PEAK1: variants seen among roughly 807,000 people sequenced by gnomAD.
The protein encoded by PEAK1 is pseudopodium enriched atypical kinase 1, also known as inactive tyrosine-protein kinase PEAK1.
A neutral mutation model predicts 124.7 loss-of-function variants in PEAK1; 54 were observed. That is an observed-to-expected ratio of 0.43 (90% CI 0.35 to 0.54). The LOEUF is 0.54. Among genes scored for constraint, PEAK1 ranks in the 20% least tolerant of loss-of-function variants. The pLI is 0.01. For synonymous variants in PEAK1, 719 were observed against 760.0 expected (o/e 0.95, Z 0.89); for missense variants, 2,046 against 2,134.5 (o/e 0.96, Z 0.82).
At chr15:77,189,473 T>C (rs558525063) in intron 6 of PEAK1, among the ~76,000 whole-genome samples, 8 of 152,254 alleles carry the variant, frequency 5.3e-5, no homozygotes, top group Middle Eastern at 3.4e-3. Flanking sequence ...CTGTCCACCA[T>C]AGTGGAATTC....
At chr15:77,308,253 C>T (rs1597219492) in intron 2 of PEAK1, among the ~76,000 whole-genome samples, 1 of 152,010 alleles carries the variant, frequency 6.6e-6, no homozygotes, top group African/African-American at 2.4e-5. Flanking sequence ...AGCTTCCTTC[C>T]ATGTCTTCAT....
chr15:77,114,093 G>C lies in PEAK1; in HGVS notation c.*63C>G. 6.6e-7 allele frequency: 1 copy of C among 1,513,558 alleles called. No homozygotes were observed. The highest frequency in any genetic ancestry group is 1.2e-5 in the South Asian group (1 of 82,688). The allele number at this position is 1,513,558 out of a possible 1,614,324, so 93.8% of individuals were successfully genotyped here. A position where few individuals can be genotyped will look rare whatever the true frequency, so the allele number is the denominator to read the frequency against. On this transcript the variant is annotated 3_prime_UTR_variant, in exon 10 of 10. Transcript: ENST00000682557. ...TTGAATTTGGAGTGAGCACTAGGGAGGGGAAGTGCATGGGTGACATGAAGA... is the reference window on the plus strand; with the variant it reads ...TTGAATTTGGAGTGAGCACTAGGGACGGGAAGTGCATGGGTGACATGAAGA...
chr15:77,238,996 G>T (rs1051980720), intron 6 of PEAK1, among the ~76,000 whole-genome samples: 1 of 152,036 alleles, frequency 6.6e-6, no homozygotes, highest in Non-Finnish European at 1.5e-5. Flanking sequence ...CATGGTTTTT[G>T]GAAGTTTTGC....
chr15:77,226,076 T>TATATATA (rs2059657401), intron 6 of PEAK1, among the ~76,000 whole-genome samples: 2 of 137,242 alleles, frequency 1.5e-5, no homozygotes, highest in African/African-American at 5.4e-5. Context: ...TATATATATA[T>TATATATA]ATATATATAT....
intron 9 of PEAK1, among the ~76,000 whole-genome samples, chr15:77,128,344 G>A (rs573922747): frequency 2.5e-4 from 38 of 152,322 alleles, no homozygotes; most frequent in Non-Finnish European, 4.6e-4. Context: ...AACATGTACT[G>A]TTCTTCAAGG....
intron 6 of PEAK1, among the ~76,000 whole-genome samples, chr15:77,210,868 C>G (rs992805365): frequency 6.6e-6 from 1 of 152,048 alleles, no homozygotes; most frequent in Non-Finnish European, 1.5e-5. Flanking sequence ...GTGCTCAGGG[C>G]GACAGAGCAA....
At chr15:77,257,055 C>T (rs2061187646) in intron 5 of PEAK1, among the ~76,000 whole-genome samples, 1 of 152,120 alleles carries the variant, frequency 6.6e-6, no homozygotes. Context: ...AGGACATGAA[C>T]TCCTCATTTT....
At chr15:77,116,143 C>T (rs982744553) in intron 9 of PEAK1, among the ~76,000 whole-genome samples, 1 of 152,188 alleles carries the variant, frequency 6.6e-6, no homozygotes, top group Admixed American at 6.5e-5. Flanking sequence ...TGTGACGATT[C>T]TATTTCTACT....
chr15:77,202,269 T>G (rs888172591), intron 6 of PEAK1, among the ~76,000 whole-genome samples: 4 of 152,146 alleles, frequency 2.6e-5, no homozygotes, highest in Admixed American at 2.0e-4. Flanking sequence ...CAACATGGGT[T>G]AGGAGTGCCG....
chr15:77,112,867 A>T lies in PEAK1; in HGVS notation c.*1289T>A, dbSNP rs189136483. On this transcript the variant is annotated 3_prime_UTR_variant, in exon 10 of 10. Transcript: ENST00000682557. ...ATTGCACACATATCCATAGAAGGGG[A>T]GCACAGGCTGCACACATGGTGAACA... 4 of 152,258 alleles carry T rather than the reference A, an allele frequency of 2.6e-5. No individual in the cohort carries two copies. Among genetic ancestry groups the T allele is most frequent in the Admixed American group, 6.5e-5 (1 of 15,288 alleles). The allele number at this position is 152,258 out of a possible 1,614,324, so 9.4% of individuals were successfully genotyped here.
At chr15:77,320,699 G>A (rs949872457) in intron 2 of PEAK1, among the ~76,000 whole-genome samples, 2 of 151,804 alleles carry the variant, frequency 1.3e-5, no homozygotes, top group Admixed American at 6.6e-5. Context: ...TAGGGTACAT[G>A]GGCACAACGT....
At chr15:77,213,865 C>T (rs1444331752) in intron 6 of PEAK1, among the ~76,000 whole-genome samples, 1 of 152,146 alleles carries the variant, frequency 6.6e-6, no homozygotes, top group African/African-American at 2.4e-5. Context: ...GTATAACCAA[C>T]ATAACAATGA....
intron 5 of PEAK1, among the ~76,000 whole-genome samples, chr15:77,271,161 C>A (rs574068076): frequency 4.1e-4 from 62 of 152,260 alleles, no homozygotes; most frequent in East Asian, 1.7e-3. Context: ...ATTTATGCAG[C>A]CAAAAGACAC....
intron 9 of PEAK1, among the ~76,000 whole-genome samples, chr15:77,126,259 G>A (rs539321894): frequency 6.6e-6 from 1 of 152,122 alleles, no homozygotes; most frequent in South Asian, 2.1e-4. Context: ...ATAATTTTAC[G>A]TAGTCTTCAT....
chr15:77,409,316 T>C (rs937132469), intron 1 of PEAK1, among the ~76,000 whole-genome samples: 1 of 152,210 alleles, frequency 6.6e-6, no homozygotes, highest in African/African-American at 2.4e-5. Flanking sequence ...GGCATTATTT[T>C]AAGTACTTTT....
chr15:77,152,802 C>T (rs1005374041), intron 8 of PEAK1, among the ~76,000 whole-genome samples: 56 of 151,990 alleles, frequency 3.7e-4, no homozygotes, highest in African/African-American at 1.2e-3. Flanking sequence ...TATTGATTTG[C>T]GAATGTTGAA....
At chr15:77,220,138 A>G (rs955050440) in intron 6 of PEAK1, among the ~76,000 whole-genome samples, 2 of 152,136 alleles carry the variant, frequency 1.3e-5, no homozygotes, top group Admixed American at 6.6e-5. Flanking sequence ...GCTAGTAGAT[A>G]AAAGAGTAAA....
chr15:77,260,148 TCAGCAGGG>T (rs1392563733), intron 5 of PEAK1, among the ~76,000 whole-genome samples: 1 of 151,864 alleles, frequency 6.6e-6, no homozygotes, highest in African/African-American at 2.4e-5. Context: ...TACAAAGCAA[TCAGCAGGG>T]TCCCCAGAAG....
chr15:77,291,915 T>C, intron 2 of PEAK1, among the ~76,000 whole-genome samples: 1 of 148,608 alleles, frequency 6.7e-6, no homozygotes, highest in East Asian at 2.0e-4. Context: ...AGGCGGAGCT[T>C]GCAGTGAGCC....
Sources: allele counts gnomAD v4.1 joint callset (sites outside exome capture counted in the v4.1 genomes callset), GRCh38; gene constraint gnomAD v4.1.1; transcripts MANE v1.5; gene names NCBI Gene and HGNC (gene_info 2026-07-23, HGNC 2026-07-21).